Variants in LIX1 observed in about 807,000 individuals in gnomAD.
LIX1 encodes limb and CNS expressed 1, also known as protein limb expression 1 homolog.
Under a neutral mutation model 33.4 loss-of-function variants are expected in LIX1, and 24 were observed. That is an observed-to-expected ratio of 0.72 (90% CI 0.52 to 1.01). The LOEUF (loss-of-function observed/expected upper bound fraction) is 1.01, where lower values mean the gene tolerates loss of function less well. Among genes scored for constraint, LIX1 ranks in the 50% least tolerant of loss-of-function variants. The pLI is 0.00. For missense variants in LIX1, 311 were observed against 339.2 expected (o/e 0.92, Z 0.65); for synonymous variants, 124 against 124.0 (o/e 1.00, Z 0.00).
intron 1 of LIX1, chr5:97,137,204 AACAGCAACCAC>A (rs541985847): frequency 5.9e-4 from 244 of 411,802 alleles, no homozygotes; most frequent in African/African-American, 4.8e-3. Flanking sequence ...TGTTAAAAAC[AACAGCAACCAC>A]CACCAAAGAC....
chr5:97,138,555 C>T (rs925001922), intron 1 of LIX1, among the ~76,000 whole-genome samples: 5 of 152,202 alleles, frequency 3.3e-5, no homozygotes, highest in Non-Finnish European at 5.9e-5. Flanking sequence ...TCCCTATTGC[C>T]GGCATGTCAG....
intron 4 of LIX1, among the ~76,000 whole-genome samples, chr5:97,097,705 A>G (rs1334685026): frequency 6.6e-6 from 1 of 152,256 alleles, no homozygotes; most frequent in Non-Finnish European, 1.5e-5. Flanking sequence ...ATAGTTAAAT[A>G]GCATTTATAG....
Position 97,101,078 on chromosome 5 carries a change from A to AAGGTGAGGC in LIX1, c.483+4103_483+4111dup, listed in dbSNP as rs60353690. On this transcript the variant is annotated intron_variant, in intron 4 of 5. Transcript: ENST00000274382. Reference sequence around the variant, plus strand: ...CAACAGAAAAACAAGTTAGCCTCATAAGGTGAGGCAGGTGAGGCAGGTGAG... The same window carrying AAGGTGAGGC: ...CAACAGAAAAACAAGTTAGCCTCATAAGGTGAGGCAGGTGAGGCAGGTGAGGCAGGTGAG... Among the ~76,000 whole-genome samples the AAGGTGAGGC allele has an allele frequency of 8.0e-3, 1,221 of 151,868 alleles. 15 individuals are homozygous for AAGGTGAGGC. Among genetic ancestry groups the AAGGTGAGGC allele is most frequent in the African/African-American group, 0.025 (1,039 of 41,312 alleles).
At chr5:97,101,129 G>A (rs987185048) in intron 4 of LIX1, among the ~76,000 whole-genome samples, 2 of 151,992 alleles carry the variant, frequency 1.3e-5, no homozygotes, top group South Asian at 2.1e-4. Context: ...TTTAAAGTGA[G>A]TGGGGCCAAT....
At chr5:97,106,285 C>T (rs1278338117) in intron 3 of LIX1, among the ~76,000 whole-genome samples, 3 of 152,216 alleles carry the variant, frequency 2.0e-5, no homozygotes, top group African/African-American at 7.2e-5. Flanking sequence ...AAAATAAAGG[C>T]TTCCTTTCAT....
chr5:97,105,652 G>T (rs1025718213), intron 3 of LIX1, among the ~76,000 whole-genome samples: 1 of 152,202 alleles, frequency 6.6e-6, no homozygotes, highest in Non-Finnish European at 1.5e-5. Context: ...AACCAGGCAA[G>T]ATTACATAAT....
intron 1 of LIX1, among the ~76,000 whole-genome samples, chr5:97,131,272 T>C (rs1748050950): frequency 1.3e-5 from 2 of 152,160 alleles, no homozygotes; most frequent in Admixed American, 1.3e-4. Context: ...TTGGTTCAAG[T>C]TCTCCCTCCT....
chr5:97,094,515 T>A lies in LIX1; in HGVS notation c.*233A>T. ...TTTTCAAACAATTTTGTGTCTATCC[T>A]TTCATCCTGAGCTGGAACTATTGAG... On this transcript the variant is annotated 3_prime_UTR_variant, in exon 6 of 6. Coordinates refer to ENST00000274382, the MANE Select transcript of LIX1 (RefSeq NM_153234.5). The A allele has an allele frequency of 2.0e-6, 1 of 510,404 alleles. No homozygotes were observed. Among genetic ancestry groups the A allele is most frequent in the Non-Finnish European group, 3.5e-6 (1 of 289,404 alleles). 31.6% of individuals were successfully genotyped at this position (510,404 alleles called of 1,614,324 possible).
intron 1 of LIX1, among the ~76,000 whole-genome samples, chr5:97,136,688 C>T (rs1292046238): frequency 2.0e-5 from 3 of 152,046 alleles, no homozygotes; most frequent in African/African-American, 7.2e-5. Context: ...TGGTTTCTCA[C>T]AGCTGCTTAA....
chr5:97,110,188 T>A (rs933417068), intron 2 of LIX1, among the ~76,000 whole-genome samples: 1 of 152,216 alleles, frequency 6.6e-6, no homozygotes, highest in Non-Finnish European at 1.5e-5. Flanking sequence ...TTGAGCATCC[T>A]CCACTGGCTA....
At chr5:97,112,211 T>C (rs898650998) in intron 2 of LIX1, among the ~76,000 whole-genome samples, 1 of 152,206 alleles carries the variant, frequency 6.6e-6, no homozygotes, top group Non-Finnish European at 1.5e-5. Context: ...GAATCTTTAC[T>C]GGGGGAAGAA....
At chr5:97,140,512 G>A (rs1276852105) in intron 1 of LIX1, among the ~76,000 whole-genome samples, 1 of 152,170 alleles carries the variant, frequency 6.6e-6, no homozygotes, top group African/African-American at 2.4e-5. Context: ...CAATAGGAGT[G>A]TGGTGGCAGC....
intron 1 of LIX1, among the ~76,000 whole-genome samples, 191 bp downstream of exon 1, chr5:97,142,291 ACTGACAGAATAAC>A (rs1748306524): frequency 6.6e-6 from 1 of 152,218 alleles, no homozygotes; most frequent in Non-Finnish European, 1.5e-5. Context: ...AAGATGTATC[ACTGACAGAATAAC>A]CCAGTGCCTA....
Position 97,113,029 on chromosome 5 carries a change from G to A in LIX1, c.247-5529C>T, listed in dbSNP as rs562243625. On this transcript the variant is annotated intron_variant, in intron 2 of 5. Transcript: ENST00000274382. ...GGTTATAAAAGACACTATGACTTCCGTCTTGGTCTCACTTGCCATCTCTTT... is the reference window on the plus strand; with the variant it reads ...GGTTATAAAAGACACTATGACTTCCATCTTGGTCTCACTTGCCATCTCTTT... Among the ~76,000 whole-genome samples the A allele has an allele frequency of 1.3e-3, 200 of 152,310 alleles. 2 individuals carry two copies. The South Asian group carries it at 0.019, about 14-fold the overall frequency.
chr5:97,107,250 A>T, intron 3 of LIX1, 110 bp downstream of exon 3: 7 of 1,118,442 alleles, frequency 6.3e-6, no homozygotes, highest in African/African-American at 1.6e-5. Context: ...TAAAAATTGA[A>T]TCTACAGAAT....
At chr5:97,139,601 G>A (rs1748242847) in intron 1 of LIX1, among the ~76,000 whole-genome samples, 1 of 152,216 alleles carries the variant, frequency 6.6e-6, no homozygotes, top group Non-Finnish European at 1.5e-5. Context: ...GCAATATGGA[G>A]ACAAGCTATA....
At chr5:97,101,032 GC>G (rs1031970733) in intron 4 of LIX1, among the ~76,000 whole-genome samples, 2 of 151,944 alleles carry the variant, frequency 1.3e-5, no homozygotes, top group African/African-American at 2.4e-5. Flanking sequence ...TAATCTGGAA[GC>G]CTGAGGGGCC....
At chr5:97,099,800 A>G (rs1190665519) in intron 4 of LIX1, among the ~76,000 whole-genome samples, 1 of 152,186 alleles carries the variant, frequency 6.6e-6, no homozygotes, top group East Asian at 1.9e-4. Flanking sequence ...TCGCGATACC[A>G]CACTCCAGCC....
intron 3 of LIX1, among the ~76,000 whole-genome samples, chr5:97,105,578 T>C (rs1383786207): frequency 1.3e-5 from 2 of 152,236 alleles, no homozygotes; most frequent in African/African-American, 4.8e-5. Context: ...ATGGCTGAGC[T>C]CCGAAACTGC....
Sources: gnomAD v4.1 joint callset for allele counts (sites outside exome capture counted in the v4.1 genomes callset) on GRCh38, gnomAD v4.1.1 for gene constraint, MANE v1.5 for transcripts, NCBI Gene and HGNC (gene_info 2026-07-23, HGNC 2026-07-21) for gene names.